MMP16: variants seen among roughly 807,000 people sequenced by gnomAD.
The protein encoded by MMP16 is matrix metallopeptidase 16, also known as matrix metalloproteinase-16.
A neutral mutation model predicts 67.8 loss-of-function variants in MMP16; 12 were observed. The observed-to-expected ratio is 0.18, with a 90% CI of 0.11 to 0.29. The LOEUF is 0.29. MMP16 is among the 10% of genes least tolerant of loss of function. The pLI is 1.00. For missense variants in MMP16, 475 were observed against 765.7 expected (o/e 0.62, Z 4.48); for synonymous variants, 249 against 255.9 (o/e 0.97, Z 0.26).
intron 6 of MMP16, among the ~76,000 whole-genome samples, chr8:88,097,509 T>C (rs1809049051): frequency 6.6e-6 from 1 of 150,786 alleles, no homozygotes; most frequent in African/African-American, 2.4e-5. Context: ...GCCTGTAGTC[T>C]TGGTTACTTG....
At position 88,034,181 on chromosome 8, in the gene MMP16, A is replaced by G. The variant is rs532486239; in HGVS notation, c.*7280T>C. On this transcript the variant is annotated 3_prime_UTR_variant, in exon 10 of 10. Coordinates refer to ENST00000286614, the MANE Select transcript of MMP16 (RefSeq NM_005941.5). The stretch of plus-strand genomic sequence containing the variant: ...AGACATTTCCTGGGTACCATCTCTG[A>G]TGTACAATGCTGCTCAATTCTGGTT... 13 of 150,894 alleles carry G rather than the reference A, an allele frequency of 8.6e-5. No individual in the cohort carries two copies. Among genetic ancestry groups the G allele is most frequent in the African/African-American group, 3.2e-4 (13 of 41,160 alleles). 9.3% of individuals were successfully genotyped at this position (150,894 alleles called of 1,614,324 possible). A position where few individuals can be genotyped will look rare whatever the true frequency, so the allele number is the denominator to read the frequency against.
intron 7 of MMP16, among the ~76,000 whole-genome samples, chr8:88,063,565 C>T (rs1262954450): frequency 6.6e-6 from 1 of 151,222 alleles, no homozygotes; most frequent in African/African-American, 2.4e-5. Flanking sequence ...TGAACTGAGC[C>T]ACTGTTAATG....
At chr8:88,053,663 A>G (rs1233675697) in intron 8 of MMP16, among the ~76,000 whole-genome samples, 4 of 152,178 alleles carry the variant, frequency 2.6e-5, no homozygotes, top group Admixed American at 6.6e-5. Flanking sequence ...TTTGTTTCAG[A>G]TAGAGAGTTT....
intron 6 of MMP16, among the ~76,000 whole-genome samples, chr8:88,088,122 C>T (rs1379698571): frequency 3.7e-5 from 5 of 133,718 alleles, no homozygotes; most frequent in Admixed American, 7.2e-5. Context: ...GTACAGAAGA[C>T]GTCTGACTGC....
intron 1 of MMP16, among the ~76,000 whole-genome samples, chr8:88,250,188 C>T (rs1334858252): frequency 6.6e-6 from 1 of 151,958 alleles, no homozygotes; most frequent in Non-Finnish European, 1.5e-5. Flanking sequence ...TCCATTCCTG[C>T]CCGACAAATT....
At chr8:88,294,252 A>G (rs977804728) in intron 1 of MMP16, among the ~76,000 whole-genome samples, 1 of 150,716 alleles carries the variant, frequency 6.6e-6, no homozygotes, top group African/African-American at 2.4e-5. Flanking sequence ...ATACACATAT[A>G]TAGACATGTG....
intron 1 of MMP16, 81 bp from the exon 2 acceptor site, chr8:88,197,387 T>C (rs770311815): frequency 2.8e-4 from 346 of 1,242,302 alleles, no homozygotes; most frequent in Non-Finnish European, 3.2e-4. Context: ...ATATCTATAA[T>C]AGAGTTTTGA....
At chr8:88,173,336 G>A (rs1194839943) in intron 3 of MMP16, among the ~76,000 whole-genome samples, 1 of 152,076 alleles carries the variant, frequency 6.6e-6, no homozygotes, top group Non-Finnish European at 1.5e-5. Flanking sequence ...ACAGTTGTGA[G>A]CCACCGGTCC....
At position 88,034,515 on chromosome 8, in the gene MMP16, G is replaced by C. The variant is rs1316761314; in HGVS notation, c.*6946C>G. The stretch of plus-strand genomic sequence containing the variant: ...AATTGATTCCACATCAGCTGTAAAA[G>C]AAGTAAATGCCAAAAAGACCTAAAA... On this transcript the variant is annotated 3_prime_UTR_variant, in exon 10 of 10. Transcript: ENST00000286614. 6.6e-6 allele frequency: 1 copy of C among 152,356 alleles called. No homozygotes were observed. Among genetic ancestry groups the C allele is most frequent in the African/African-American group, 2.4e-5 (1 of 41,398 alleles). 9.4% of individuals were successfully genotyped at this position (152,356 alleles called of 1,614,324 possible).
intron 4 of MMP16, among the ~76,000 whole-genome samples, chr8:88,155,000 C>T (rs1808484660): frequency 6.6e-6 from 1 of 151,718 alleles, no homozygotes; most frequent in Non-Finnish European, 1.5e-5. Flanking sequence ...TAAGTCTTTC[C>T]CTAGGTTTCT....
intron 1 of MMP16, among the ~76,000 whole-genome samples, chr8:88,263,070 A>G (rs901794052): frequency 6.6e-6 from 1 of 151,310 alleles, no homozygotes; most frequent in Non-Finnish European, 1.5e-5. Flanking sequence ...GTTTTTTTTA[A>G]TTCAAAAGGA....
intron 1 of MMP16, among the ~76,000 whole-genome samples, chr8:88,318,300 C>T (rs186935749): frequency 1.3e-5 from 2 of 152,188 alleles, no homozygotes; most frequent in African/African-American, 4.8e-5. Flanking sequence ...TAAGATTATG[C>T]CATACATGGA....
In MMP16 at chr8:88,115,881, TA is replaced by T. The variant is rs199603483; in HGVS notation, c.1083+625del. Among the ~76,000 whole-genome samples, 1,313 of 152,196 alleles carry T rather than the reference TA, an allele frequency of 8.6e-3. 19 individuals are homozygous for T. The highest frequency in any genetic ancestry group is 0.031 in the South Asian group (148 of 4,818). ...GTGTTATTTTCTGAGACCCCAACATTAAAAGTATTTTTGCAAATGTAAAATT... is the reference window on the plus strand; with the variant it reads ...GTGTTATTTTCTGAGACCCCAACATTAAAGTATTTTTGCAAATGTAAAATT... On this transcript the variant is annotated intron_variant, in intron 6 of 9. Coordinates refer to ENST00000286614, the MANE Select transcript of MMP16 (RefSeq NM_005941.5).
chr8:88,153,860 A>G (rs1808456386), intron 4 of MMP16, among the ~76,000 whole-genome samples: 1 of 152,174 alleles, frequency 6.6e-6, no homozygotes, highest in African/African-American at 2.4e-5. Context: ...GCCAAAAGTG[A>G]CAAATGGGAT....
At chr8:88,271,638 T>C (rs958107172) in intron 1 of MMP16, among the ~76,000 whole-genome samples, 2 of 152,174 alleles carry the variant, frequency 1.3e-5, no homozygotes, top group Admixed American at 1.3e-4. Flanking sequence ...GAATTACATG[T>C]ATGTGCCAAC....
chr8:88,193,061 T>G (rs1417668325), intron 2 of MMP16, among the ~76,000 whole-genome samples: 2 of 152,068 alleles, frequency 1.3e-5, no homozygotes, highest in Admixed American at 6.6e-5. Flanking sequence ...TGGGCATATA[T>G]CCAAAGGAAA....
At chr8:88,201,081 A>C (rs1452102108) in intron 1 of MMP16, among the ~76,000 whole-genome samples, 1 of 150,940 alleles carries the variant, frequency 6.6e-6, no homozygotes, top group Non-Finnish European at 1.5e-5. Context: ...GATAGGACAT[A>C]ACATATAGAG....
At chr8:88,203,381 C>G (rs2129797204) in intron 1 of MMP16, among the ~76,000 whole-genome samples, 1 of 152,232 alleles carries the variant, frequency 6.6e-6, no homozygotes, top group Admixed American at 6.5e-5. Context: ...GGATTACAGG[C>G]ATGAGCTACT....
intron 3 of MMP16, among the ~76,000 whole-genome samples, chr8:88,178,894 A>C (rs1040311052): frequency 2.0e-5 from 3 of 152,070 alleles, no homozygotes; most frequent in African/African-American, 7.2e-5. Flanking sequence ...TCTAATCTCT[A>C]TCTCACAGAG....
Sources: allele counts gnomAD v4.1 joint callset (sites outside exome capture counted in the v4.1 genomes callset), GRCh38; gene constraint gnomAD v4.1.1; transcripts MANE v1.5; gene names NCBI Gene and HGNC (gene_info 2026-07-23, HGNC 2026-07-21).